The following MYO10 variants were observed in gnomAD, a reference collection of about 807,000 sequenced individuals.
MYO10 encodes unconventional myosin-X.
A neutral mutation model predicts 257.3 loss-of-function variants in MYO10; 133 were observed. The observed-to-expected ratio is 0.52, with a 90% confidence interval of 0.45 to 0.60. The LOEUF (loss-of-function observed/expected upper bound fraction) is 0.60. Ranked by LOEUF, MYO10 falls within the 20% of genes least tolerant of loss-of-function variation. The pLI is 0.00. For synonymous variants in MYO10, 1,104 were observed against 1,028.6 expected, an observed-to-expected ratio of 1.07 and a Z score of -1.40; for missense variants, 2,399 against 2,635.7, an observed-to-expected ratio of 0.91 and a Z score of 1.97.
chr5:16,674,711 G>T, intron 35 of MYO10, 142 bp downstream of exon 35: 1 of 930,328 alleles, frequency 1.1e-6, no homozygotes, highest in Non-Finnish European at 1.6e-6. Flanking sequence ...GCTTGCTCAG[G>T]CAACCCACAA....
chr5:16,776,821 C>T (rs529755375), intron 9 of MYO10, among the ~76,000 whole-genome samples: 6 of 152,336 alleles, frequency 3.9e-5, no homozygotes, highest in South Asian at 4.1e-4. Flanking sequence ...GCTGCCACTG[C>T]CAAGTGCTCC....
chr5:16,898,498 C>T (rs933031811), intron 1 of MYO10, among the ~76,000 whole-genome samples: 3 of 151,286 alleles, frequency 2.0e-5, no homozygotes, highest in African/African-American at 7.3e-5. Flanking sequence ...CTGCAACCTC[C>T]GCCTCCAGGG....
At chr5:16,896,551 C>A (rs1260624651) in intron 1 of MYO10, among the ~76,000 whole-genome samples, 1 of 152,078 alleles carries the variant, frequency 6.6e-6, no homozygotes, top group Non-Finnish European at 1.5e-5. Flanking sequence ...CGAGATCGTG[C>A]CACTGCGCTC....
At chr5:16,702,218 C>A (rs1402189729) in intron 24 of MYO10, among the ~76,000 whole-genome samples, 4 of 152,204 alleles carry the variant, frequency 2.6e-5, no homozygotes, top group Non-Finnish European at 5.9e-5. Flanking sequence ...TCTTGCAGTT[C>A]CGGCCTCCAG....
chr5:16,821,917 AG>A (rs1292077167), intron 2 of MYO10, among the ~76,000 whole-genome samples: 2 of 70,592 alleles, frequency 2.8e-5, no homozygotes, highest in East Asian at 5.0e-4. Flanking sequence ...GGCTAGGAAG[AG>A]GGGGAAAAAA....
In MYO10 at chr5:16,891,230, G is replaced by C. The variant is rs1049932978; in HGVS notation, c.22-13523C>G. ...TGAACTCTTGAACTCAGGAGGCAGA[G>C]GTTGCAGGAAGTCAAGATTGTGCCA... On this transcript the variant is annotated intron_variant, in intron 1 of 40. Coordinates refer to ENST00000513610, the MANE Select transcript of MYO10 (RefSeq NM_012334.3). Among the ~76,000 whole-genome samples the C allele has an allele frequency of 4.7e-4, 71 of 151,790 alleles. 1 individual carries two copies. Among genetic ancestry groups the C allele is most frequent in the African/African-American group, 1.5e-3 (62 of 41,104 alleles).
Position 16,931,410 on chromosome 5 carries a change from T to G in MYO10, c.21+4378A>C, listed in dbSNP as rs999584992. Among the ~76,000 whole-genome samples, 3 of 152,124 alleles carry G rather than the reference T, an allele frequency of 2.0e-5. No individual in the cohort carries two copies. The East Asian group carries it at 5.8e-4, about 29-fold the overall frequency. On this transcript the variant is annotated intron_variant, in intron 1 of 40. Coordinates refer to ENST00000513610, the MANE Select transcript of MYO10 (RefSeq NM_012334.3). ...CCAGCTGAACTGGAAAAGCAAACAC[T>G]CTGCTCTCTCCCTCCACCACTCTGG...
intron 17 of MYO10, among the ~76,000 whole-genome samples, chr5:16,761,035 G>A (rs749761408): frequency 2.0e-5 from 3 of 151,792 alleles, no homozygotes; most frequent in Non-Finnish European, 4.4e-5. Context: ...TTGTCACCCA[G>A]GCTGGACTGC....
rs183532947 is a variant in MYO10 at position 16,927,371 on chromosome 5, C to G, written c.21+8417G>C. 5.4e-3 allele frequency among the ~76,000 whole-genome samples: 829 copies of G among 152,306 alleles called. 8 individuals carry two copies. The highest frequency in any genetic ancestry group is 0.019 in the African/African-American group (781 of 41,556). ...ATGGAGTCTTGCTCTGTTGCCCAGG[C>G]TGGAGTGCAGTGGCACAATCTCGGC... On this transcript the variant is annotated intron_variant, in intron 1 of 40. Transcript: ENST00000513610.
chr5:16,742,337 C>T (rs1223031435), intron 19 of MYO10: 1 of 741,578 alleles, frequency 1.3e-6, no homozygotes, highest in East Asian at 1.3e-4. Context: ...GAGGGCTTTA[C>T]TGGGATTGTT....
intron 2 of MYO10, among the ~76,000 whole-genome samples, chr5:16,858,045 T>C (rs1178021392): frequency 1.3e-5 from 2 of 152,198 alleles, no homozygotes; most frequent in Non-Finnish European, 2.9e-5. Flanking sequence ...GCTTTGCAAC[T>C]CCTCAGCTGT....
chr5:16,740,154 GTCTCAAACCT>G (rs1739965075), intron 19 of MYO10, among the ~76,000 whole-genome samples: 1 of 152,096 alleles, frequency 6.6e-6, no homozygotes, highest in Non-Finnish European at 1.5e-5. Context: ...CTGGTCTCCA[GTCTCAAACCT>G]GGCCCTTTGC....
chr5:16,912,052 G>GTTGTTTGT (rs372889905), intron 1 of MYO10, among the ~76,000 whole-genome samples: 17 of 151,982 alleles, frequency 1.1e-4, no homozygotes, highest in African/African-American at 3.9e-4. Flanking sequence ...AAAAAATTAG[G>GTTGTTTGT]TTGTTTGTTT....
At chr5:16,875,438 C>A (rs1744573892) in intron 2 of MYO10, among the ~76,000 whole-genome samples, 1 of 152,058 alleles carries the variant, frequency 6.6e-6, no homozygotes, top group Non-Finnish European at 1.5e-5. Context: ...TTATTTACTC[C>A]CTAGACTACA....
chr5:16,843,093 G>C (rs978175829), intron 2 of MYO10, among the ~76,000 whole-genome samples: 1 of 151,766 alleles, frequency 6.6e-6, no homozygotes, highest in Non-Finnish European at 1.5e-5. Flanking sequence ...CCTTGTACTC[G>C]GCCCCCGACC....
At chr5:16,804,594 C>T (rs547999102) in intron 3 of MYO10, among the ~76,000 whole-genome samples, 196 of 152,232 alleles carry the variant, frequency 1.3e-3, no homozygotes, top group African/African-American at 4.5e-3. Flanking sequence ...AAATTATGGT[C>T]GCGCGCAGAG....
chr5:16,885,527 G>C (rs2126768914), intron 1 of MYO10, among the ~76,000 whole-genome samples: 1 of 152,188 alleles, frequency 6.6e-6, no homozygotes, highest in South Asian at 2.1e-4. Context: ...CAAAAAATTA[G>C]CTGGGCGCAG....
intron 1 of MYO10, among the ~76,000 whole-genome samples, chr5:16,926,208 AT>A (rs1258411867): frequency 5.3e-5 from 8 of 152,228 alleles, no homozygotes; most frequent in Non-Finnish European, 1.0e-4. Flanking sequence ...AGAATTTCAA[AT>A]TTTGGATTTT....
rs144911333 is a variant in MYO10 at position 16,857,322 on chromosome 5, C to T, written c.120+20287G>A. Among the ~76,000 whole-genome samples the T allele has an allele frequency of 1.8e-3, 267 of 152,308 alleles. 2 individuals carry two copies. Among genetic ancestry groups the T allele is most frequent in the South Asian group, 1.2e-3 (6 of 4,832 alleles). On this transcript the variant is annotated intron_variant, in intron 2 of 40. Transcript: ENST00000513610. ...ATACTGCTCAATAAGGATTCCTTTA[C>T]GGCAGCAGCAGTTGAAAAAGGTACT...
Sources: allele counts gnomAD v4.1 joint callset (sites outside exome capture counted in the v4.1 genomes callset), GRCh38; gene constraint gnomAD v4.1.1; transcripts MANE v1.5; gene names NCBI Gene and HGNC (gene_info 2026-07-23, HGNC 2026-07-21).